The following SLC9D1 variants were observed in gnomAD, a reference collection of about 807,000 sequenced individuals.
SLC9D1 encodes the protein putative LAG1-interacting protein.
At chr13:113,520,608 C>T in the SLC9D1 span, 1 of 1,604,326 alleles carries the variant, frequency 6.2e-7, no homozygotes, top group Non-Finnish European at 8.5e-7. Context: ...ATGCCTTTCC[C>T]CCCACAGGCG....
At chr13:113,537,177 G>A in the SLC9D1 span, among the ~76,000 whole-genome samples, 5 of 152,070 alleles carry the variant, frequency 3.3e-5, no homozygotes, top group African/African-American at 1.2e-4. Context: ...AGATTTTTTT[G>A]TCCTTCTTAA....
chr13:113,494,560 T>G, the SLC9D1 span, among the ~76,000 whole-genome samples: 1 of 152,124 alleles, frequency 6.6e-6, no homozygotes, highest in Non-Finnish European at 1.5e-5. Context: ...CCAGGATAAA[T>G]TAATATACAT....
chr13:113,544,379 G>T, the SLC9D1 span, among the ~76,000 whole-genome samples: 1 of 152,234 alleles, frequency 6.6e-6, no homozygotes, highest in Non-Finnish European at 1.5e-5. Context: ...CAAGGTCGGG[G>T]TCTCGTGGAC....
the SLC9D1 span, among the ~76,000 whole-genome samples, chr13:113,549,098 C>T: frequency 6.6e-6 from 1 of 152,170 alleles, no homozygotes; most frequent in African/African-American, 2.4e-5. Context: ...TCAGGACTAA[C>T]CATGCATCAC....
the SLC9D1 span, among the ~76,000 whole-genome samples, chr13:113,543,972 G>C: frequency 6.6e-6 from 1 of 152,208 alleles, no homozygotes; most frequent in Admixed American, 6.5e-5. Flanking sequence ...ACTCGGCCAG[G>C]ACCTTATTTT....
chr13:113,548,006 C>CTA, the SLC9D1 span, among the ~76,000 whole-genome samples: 1,202 of 111,390 alleles, frequency 0.011, 10 homozygotes, highest in Non-Finnish European at 0.012. Flanking sequence ...ACGCTTAATG[C>CTA]TATTAATCTA....
chr13:113,503,548 T>C, the SLC9D1 span: 15 of 1,614,042 alleles, frequency 9.3e-6, no homozygotes, highest in African/African-American at 1.3e-5. Flanking sequence ...TTTACTCTTT[T>C]TCTTGTTGGC....
At chr13:113,544,509 T>C in the SLC9D1 span, among the ~76,000 whole-genome samples, 4 of 152,236 alleles carry the variant, frequency 2.6e-5, no homozygotes, top group Admixed American at 2.0e-4. Flanking sequence ...TGCAGCTCTA[T>C]GGAAACAGCC....
chr13:113,514,911 G>A, the SLC9D1 span, among the ~76,000 whole-genome samples: 5 of 152,310 alleles, frequency 3.3e-5, no homozygotes, highest in South Asian at 4.1e-4. Context: ...AGAGATGGAG[G>A]TCTTGCTATG....
chr13:113,500,018 C>G, the SLC9D1 span: 1 of 1,588,884 alleles, frequency 6.3e-7, no homozygotes, highest in Non-Finnish European at 8.6e-7. Flanking sequence ...CAATTCTAAG[C>G]AAAATATAAC....
At chr13:113,508,824 A>C in the SLC9D1 span, among the ~76,000 whole-genome samples, 1 of 152,332 alleles carries the variant, frequency 6.6e-6, no homozygotes, top group South Asian at 2.1e-4. Context: ...AAAAGTTGTA[A>C]TTTTGCAAGA....
chr13:113,520,483 CA>C, the SLC9D1 span: 38,747 of 362,926 alleles, frequency 0.11, 4 homozygotes, highest in South Asian at 0.14. Flanking sequence ...AACTCCATCT[CA>C]AAAAAAAAAA....
chr13:113,515,816 G>A, the SLC9D1 span, among the ~76,000 whole-genome samples: 11 of 150,226 alleles, frequency 7.3e-5, no homozygotes, highest in Non-Finnish European at 1.0e-4. Flanking sequence ...GCGTGAACCC[G>A]GGAGACAGAG....
the SLC9D1 span, among the ~76,000 whole-genome samples, chr13:113,507,619 C>T: frequency 6.6e-6 from 1 of 152,234 alleles, no homozygotes; most frequent in Non-Finnish European, 1.5e-5. Flanking sequence ...GCCCTTGTAG[C>T]TGCTCGCTCC....
chr13:113,541,261 G>A, the SLC9D1 span, among the ~76,000 whole-genome samples: 3 of 151,662 alleles, frequency 2.0e-5, no homozygotes, highest in East Asian at 3.9e-4. Context: ...CTTTATTACC[G>A]CCGAGATGTG....
At chr13:113,495,689 CCG>C in the SLC9D1 span, 1 of 1,612,338 alleles carries the variant, frequency 6.2e-7, no homozygotes, top group Non-Finnish European at 8.5e-7. Context: ...TCAAACTGCA[CCG>C]CGGGCGAGGG....
the SLC9D1 span, among the ~76,000 whole-genome samples, chr13:113,523,154 A>C: frequency 3.4e-5 from 5 of 148,834 alleles, no homozygotes; most frequent in Non-Finnish European, 7.4e-5. Context: ...TTTGGTAATA[A>C]AAGTCATACT....
chr13:113,549,860 C>A, the SLC9D1 span: 1 of 560,114 alleles, frequency 1.8e-6, no homozygotes, highest in Non-Finnish European at 3.1e-6. Flanking sequence ...ATTGTGAGTT[C>A]ATCAGTTCAT....
the SLC9D1 span, among the ~76,000 whole-genome samples, chr13:113,513,908 A>T: frequency 6.6e-6 from 1 of 152,214 alleles, no homozygotes; most frequent in African/African-American, 2.4e-5. Flanking sequence ...AAGACTGAGG[A>T]TGTCCCGGTG....
Sources: allele counts gnomAD v4.1 joint callset (sites outside exome capture counted in the v4.1 genomes callset), GRCh38; gene constraint gnomAD v4.1.1; transcripts MANE v1.5; gene names NCBI Gene and HGNC (gene_info 2026-07-23, HGNC 2026-07-21).